Variants in EXOC7 observed in about 807,000 individuals in gnomAD.
The protein encoded by EXOC7 is exocyst complex component 7, also known as exocyst complex component Exo70.
EXOC7 carries 51 observed loss-of-function variants against 87.6 expected under a neutral mutation model. The observed-to-expected ratio is 0.58, with a 90% CI of 0.46 to 0.73. EXOC7 has a LOEUF of 0.73. EXOC7 is among the 30% of genes least tolerant of loss of function. The pLI, the probability that EXOC7 is intolerant of heterozygous loss-of-function variation, is 0.00. For synonymous variants in EXOC7, 327 were observed against 357.1 expected (o/e 0.92, Z 0.95); for missense variants, 744 against 888.4 (o/e 0.84, Z 2.07).
intron 7 of EXOC7, chr17:76,090,162 G>T: frequency 1.3e-6 from 1 of 751,900 alleles, no homozygotes; most frequent in South Asian, 1.9e-5. Flanking sequence ...CTGGAGAGAG[G>T]CAAGGAGACC....
At chr17:76,091,385 G>A in intron 6 of EXOC7, 150 bp from the exon 7 acceptor site, 1 of 623,374 alleles carries the variant, frequency 1.6e-6, no homozygotes, top group South Asian at 1.9e-5. Flanking sequence ...AGACGCTGGG[G>A]ACAAGGATGA....
At chr17:76,089,531 G>A in intron 7 of EXOC7, 1 of 606,656 alleles carries the variant, frequency 1.6e-6, no homozygotes, top group Non-Finnish European at 2.9e-6. Context: ...CTTTGTTCTG[G>A]CTTCATTCTC....
At chr17:76,094,914 C>A (rs1206008668) in intron 5 of EXOC7, among the ~76,000 whole-genome samples, 1 of 150,100 alleles carries the variant, frequency 6.7e-6, no homozygotes, top group Non-Finnish European at 1.5e-5. Flanking sequence ...CCTGGCCAGG[C>A]AGTCTTAAAA....
rs1284170528 is a variant in EXOC7, at chr17:76,082,358, C to CT, written c.*1289dup. ...ACCCAAATTTTCATCAGCTGAGAATCTAAGAAAGGAAGCGATACAGGCTGA... is the reference window on the plus strand; with the variant it reads ...ACCCAAATTTTCATCAGCTGAGAATCTTAAGAAAGGAAGCGATACAGGCTGA... On this transcript the variant is annotated 3_prime_UTR_variant, in exon 19 of 19. Coordinates refer to ENST00000589210, the MANE Select transcript of EXOC7 (RefSeq NM_001013839.4). The CT allele has an allele frequency of 4.8e-6, 6 of 1,241,500 alleles. No homozygotes were observed. Among genetic ancestry groups the CT allele is most frequent in the Non-Finnish European group, 5.6e-6 (5 of 896,726 alleles). The allele number at this position is 1,241,500 out of a possible 1,614,324, so 76.9% of individuals were successfully genotyped here.
chr17:76,085,668 G>A lies in EXOC7; in HGVS notation c.1616+9C>T, dbSNP rs1273802588. On this transcript the variant is annotated intron_variant, in intron 14 of 18. Coordinates refer to ENST00000589210, the MANE Select transcript of EXOC7 (RefSeq NM_001013839.4). ...GAGAGCCGCAGACTCACTCCCGCAG[G>A]CCACTTACTTCTCCAGGGACTTGAG... is the stretch of plus-strand genomic sequence containing the variant. The A allele has an allele frequency of 2.5e-6, 4 of 1,614,026 alleles. No individual in the cohort carries two copies. The highest frequency in any genetic ancestry group is 2.2e-5 in the South Asian group (2 of 91,082).
Position 76,083,299 on chromosome 17 carries a change from G to A in EXOC7, c.*349C>T, listed in dbSNP as rs899974318. 7.3e-5 allele frequency: 19 copies of A among 261,460 alleles called. No individual in the cohort carries two copies. Among genetic ancestry groups the A allele is most frequent in the Non-Finnish European group, 1.1e-4 (15 of 134,122 alleles). The allele number at this position is 261,460 out of a possible 1,614,324, so 16.2% of individuals were successfully genotyped here. A position where few individuals can be genotyped will look rare whatever the true frequency, so the allele number is the denominator to read the frequency against. Reference sequence around the variant, plus strand: ...GTCCCCACCTCTGACCTAGGCTGGAGGGAGGGCCCTTCTGCCCTGCTGCTC... The same window carrying A: ...GTCCCCACCTCTGACCTAGGCTGGAAGGAGGGCCCTTCTGCCCTGCTGCTC... On this transcript the variant is annotated 3_prime_UTR_variant, in exon 19 of 19. Coordinates refer to ENST00000589210, the MANE Select transcript of EXOC7 (RefSeq NM_001013839.4).
intron 5 of EXOC7, among the ~76,000 whole-genome samples, chr17:76,095,466 A>T (rs1020285683): frequency 3.9e-5 from 6 of 152,146 alleles, no homozygotes; most frequent in Non-Finnish European, 1.5e-5. Flanking sequence ...ACTTTTTTTT[A>T]AATAAAAAAA....
At chr17:76,089,004 G>A in intron 8 of EXOC7, 81 bp from the exon 9 acceptor site, 1 of 1,494,428 alleles carries the variant, frequency 6.7e-7, no homozygotes, top group Non-Finnish European at 9.2e-7. Context: ...CTTGCAGTAT[G>A]TAGGGGGGCC....
intron 5 of EXOC7, 44 bp downstream of exon 5, chr17:76,097,752 C>T (rs761548430): frequency 5.7e-6 from 7 of 1,236,802 alleles, no homozygotes; most frequent in Non-Finnish European, 6.9e-6. Context: ...GAGAAAACTC[C>T]CTCTGCCTCT....
intron 4 of EXOC7, 25 bp from the exon 5 acceptor site, chr17:76,098,043 G>A: frequency 1.2e-6 from 2 of 1,602,522 alleles, no homozygotes; most frequent in Non-Finnish European, 1.7e-6. Flanking sequence ...GAAGGAAGCA[G>A]GTGCCTGCTG....
In EXOC7 at chr17:76,097,703, CAAAAAAAAAAAAAAAA is replaced by C. The variant is rs57781252; in HGVS notation, c.640+77_640+92del. On this transcript the variant is annotated intron_variant, in intron 5 of 18. Coordinates refer to ENST00000589210, the MANE Select transcript of EXOC7 (RefSeq NM_001013839.4). ...TGGGCAACAGAGCAAGACTCCATCT[CAAAAAAAAAAAAAAAA>C]AAAAAAAAAAAAGAACAAAGGGGAG... 7.9e-5 allele frequency: 25 copies of C among 318,308 alleles called. No individual in the cohort carries two copies. The African/African-American group carries it at 9.9e-4, about 13-fold the overall frequency. The allele number at this position is 318,308 out of a possible 1,614,324, so 19.7% of individuals were successfully genotyped here.
At chr17:76,085,847 C>T (rs199927956) in intron 13 of EXOC7, 50 bp from the exon 14 acceptor site, 1,042 of 1,593,328 alleles carry the variant, frequency 6.5e-4, no homozygotes, top group Middle Eastern at 1.0e-3. Context: ...CTGACCCAAA[C>T]GACCCCACCC....
intron 16 of EXOC7, 59 bp from the exon 17 acceptor site, chr17:76,084,348 C>G (rs542869773): frequency 3.5e-5 from 57 of 1,610,732 alleles, no homozygotes; most frequent in South Asian, 1.1e-4. Context: ...AGCCTTCCCC[C>G]ACTCTTCCCC....
At position 76,085,397 on chromosome 17, in the gene EXOC7, G is replaced by C; in HGVS notation, c.1629C>G (p.Ile543Met). ...TCTTCTGTGTCACTGCCACCAGCTG[G>C]ATCAGTTCAGACCTGGGTCGGGGTA... ...ILKSLEKSEL[I>M]QLVAVTQKTA... is the part of the protein sequence containing the mutation. The change falls in exon 15 of 19, where the codon ATC becomes ATG. Residue 543 changes from isoleucine to methionine, a missense_variant. Around this residue, in one of 3 missense-constraint regions of EXOC7, gnomAD observed 228 missense variants for 298.6 expected, o/e 0.76. Transcript: ENST00000589210. 4.3e-6 allele frequency: 7 copies of C among 1,609,772 alleles called. No individual in the cohort carries two copies. Among genetic ancestry groups the C allele is most frequent in the Non-Finnish European group, 5.9e-6 (7 of 1,178,954 alleles).
chr17:76,099,905 CCAGCCTGAACA>C (rs2067973990), intron 4 of EXOC7, among the ~76,000 whole-genome samples: 1 of 152,098 alleles, frequency 6.6e-6, no homozygotes, highest in Admixed American at 6.6e-5. Context: ...TAGTTTGAGA[CCAGCCTGAACA>C]ACACAGGAGA....
intron 7 of EXOC7, chr17:76,090,265 C>A: frequency 6.6e-7 from 1 of 1,521,294 alleles, no homozygotes; most frequent in South Asian, 1.2e-5. Context: ...CAGGAGCAGG[C>A]CATCCGGGGA....
chr17:76,098,978 CA>C (rs2067922338), intron 4 of EXOC7, among the ~76,000 whole-genome samples: 1 of 151,858 alleles, frequency 6.6e-6, no homozygotes, highest in Non-Finnish European at 1.5e-5. Context: ...TGAACAATAT[CA>C]AGTTGAAAAC....
chr17:76,101,936 C>T (rs1424575624), intron 2 of EXOC7, 73 bp from the exon 3 acceptor site: 4 of 1,291,384 alleles, frequency 3.1e-6, no homozygotes, highest in Non-Finnish European at 4.3e-6. Flanking sequence ...CCACCTTCGG[C>T]ATTTCCTGCC....
At chr17:76,092,259 C>G (rs557998356) in intron 6 of EXOC7, 2 of 151,794 alleles carry the variant, frequency 1.3e-5, no homozygotes, top group Non-Finnish European at 2.9e-5. Context: ...ACACCTGCAC[C>G]GCACCGCACC....
Sources: gnomAD v4.1 joint callset for allele counts (sites outside exome capture counted in the v4.1 genomes callset) on GRCh38, gnomAD v4.1.1 for gene constraint, gnomAD v4.1.1 regional missense constraint, MANE v1.5 for transcripts, NCBI Gene and HGNC (gene_info 2026-07-23, HGNC 2026-07-21) for gene names.